RAB27B: variants seen among roughly 807,000 people sequenced by gnomAD.
The protein encoded by RAB27B is RAB27B, member RAS oncogene family.
Under a neutral mutation model 24.6 loss-of-function variants are expected in RAB27B, and 15 were observed. That is an observed-to-expected ratio of 0.61 (90% CI 0.41 to 0.94). The LOEUF is 0.94. Ranked by LOEUF, RAB27B falls within the 40% of genes least tolerant of loss-of-function variation. RAB27B has a pLI of 0.00. For synonymous variants in RAB27B, 105 were observed against 92.5 expected (o/e 1.14, Z -0.78); for missense variants, 261 against 266.8 (o/e 0.98, Z 0.15).
chr18:54,782,989 A>C (rs1908963074), intron 2 of RAB27B, among the ~76,000 whole-genome samples: 1 of 151,180 alleles, frequency 6.6e-6, no homozygotes, highest in East Asian at 1.9e-4. Flanking sequence ...ACAGAGTCTC[A>C]CTCTGTCACC....
At chr18:54,857,447 ACT>A (rs1345728004) in intron 1 of RAB27B, among the ~76,000 whole-genome samples, 1 of 152,132 alleles carries the variant, frequency 6.6e-6, no homozygotes, top group Non-Finnish European at 1.5e-5. Context: ...AGAGCATCTC[ACT>A]CTCCTACTTT....
upstream of RAB27B, among the ~76,000 whole-genome samples, chr18:54,827,477 A>G (rs1421733290): frequency 6.6e-6 from 1 of 152,154 alleles, no homozygotes; most frequent in Non-Finnish European, 1.5e-5. Flanking sequence ...TTTCTCTAAT[A>G]TTCCATTTTT....
At chr18:54,764,128 T>C (rs1281919076) in intron 2 of RAB27B, among the ~76,000 whole-genome samples, 1 of 152,208 alleles carries the variant, frequency 6.6e-6, no homozygotes, top group Non-Finnish European at 1.5e-5. Flanking sequence ...TATGGATACC[T>C]CTTTCTTCCT....
At chr18:54,868,278 C>G (rs1008555815) in intron 1 of RAB27B, among the ~76,000 whole-genome samples, 2 of 152,110 alleles carry the variant, frequency 1.3e-5, no homozygotes, top group African/African-American at 4.8e-5. Flanking sequence ...CACCTCCCCC[C>G]TCACTTTAGC....
chr18:54,844,412 T>C (rs1192847100), intron 1 of RAB27B, among the ~76,000 whole-genome samples: 1 of 25,544 alleles, frequency 3.9e-5, no homozygotes, highest in Non-Finnish European at 2.2e-4. Flanking sequence ...TCTTTTCTTT[T>C]TTTTTTTTTT....
chr18:54,762,370 A>G (rs954192797), intron 2 of RAB27B, among the ~76,000 whole-genome samples: 9 of 152,092 alleles, frequency 5.9e-5, no homozygotes, highest in African/African-American at 2.2e-4. Flanking sequence ...TTGAATTTTT[A>G]GTAGAGACGA....
At position 54,895,061 on chromosome 18, in the gene RAB27B, C is replaced by T. The variant is rs1051848014; in HGVS notation, c.*5648C>T. The T allele has an allele frequency of 6.6e-6, 1 of 151,782 alleles. No individual in the cohort carries two copies. Among genetic ancestry groups the T allele is most frequent in the East Asian group, 1.9e-4 (1 of 5,170 alleles). The allele number at this position is 151,782 out of a possible 1,614,324, so 9.4% of individuals were successfully genotyped here. A position where few individuals can be genotyped will look rare whatever the true frequency, so the allele number is the denominator to read the frequency against. The stretch of plus-strand genomic sequence containing the variant: ...ACAAATAGGGCTTCTGTGTCCATAG[C>T]CTTGTAAGAGATACTGATTGTATCT... On this transcript the variant is annotated 3_prime_UTR_variant, in exon 6 of 6. Transcript: ENST00000262094.
chr18:54,855,119 T>G (rs1346472047), intron 1 of RAB27B, among the ~76,000 whole-genome samples: 1 of 152,174 alleles, frequency 6.6e-6, no homozygotes, highest in Non-Finnish European at 1.5e-5. Flanking sequence ...AGGCATTAGA[T>G]TCTCATAAGA....
intron 2 of RAB27B, among the ~76,000 whole-genome samples, chr18:54,810,550 C>T (rs1009556057): frequency 6.6e-6 from 1 of 151,984 alleles, no homozygotes; most frequent in Non-Finnish European, 1.5e-5. Context: ...AAAAATCAGG[C>T]TGGGTGCCAA....
At chr18:54,730,196 C>G (rs1044638728) in intron 2 of RAB27B, among the ~76,000 whole-genome samples, 1 of 152,164 alleles carries the variant, frequency 6.6e-6, no homozygotes, top group Non-Finnish European at 1.5e-5. Context: ...TCACGTACAT[C>G]ACTGTTTCCA....
chr18:54,727,766 T>C (rs554773598), intron 2 of RAB27B, among the ~76,000 whole-genome samples: 76 of 152,354 alleles, frequency 5.0e-4, no homozygotes, highest in African/African-American at 1.7e-3. Context: ...AGCATACCTT[T>C]GGATAAAACT....
chr18:54,761,789 T>C (rs1908198084), intron 2 of RAB27B, among the ~76,000 whole-genome samples: 1 of 152,220 alleles, frequency 6.6e-6, no homozygotes, highest in African/African-American at 2.4e-5. Context: ...ATTGTTGATA[T>C]CTGAATGGCC....
At chr18:54,725,586 C>T (rs545127987) in intron 2 of RAB27B, among the ~76,000 whole-genome samples, 17 of 151,514 alleles carry the variant, frequency 1.1e-4, no homozygotes, top group African/African-American at 2.9e-4. Context: ...CCTCACAGTT[C>T]GGCATGGCAC....
chr18:54,796,811 G>A lies in RAB27B; in HGVS notation c.-20+78670G>A, dbSNP rs144746487. 1.1e-4 allele frequency among the ~76,000 whole-genome samples: 17 copies of A among 152,298 alleles called. 1 individual carries two copies. The highest frequency in any genetic ancestry group is 3.6e-4 in the African/African-American group (15 of 41,564). On this transcript the variant is annotated intron_variant, in intron 2 of 4. Coordinates refer to the RAB27B transcript ENST00000586570. ...CACTTAGGTCTGCAAACACAGGCCC[G>A]AGGGTGGACCCCTAGACTGGGACCC...
intron 3 of RAB27B, among the ~76,000 whole-genome samples, chr18:54,883,991 A>T (rs1008164360): frequency 2.0e-5 from 3 of 152,042 alleles, no homozygotes; most frequent in Non-Finnish European, 4.4e-5. Flanking sequence ...TAAAGTCCCC[A>T]CTCTAAAGTG....
intron 2 of RAB27B, chr18:54,744,721 C>T (rs1910180405): frequency 6.5e-6 from 1 of 152,930 alleles, no homozygotes; most frequent in Non-Finnish European, 1.5e-5. Context: ...CTGAATTCCT[C>T]TCAGAACTTA....
chr18:54,888,902 G>A (rs1045663434), intron 5 of RAB27B, among the ~76,000 whole-genome samples: 27 of 152,056 alleles, frequency 1.8e-4, no homozygotes, highest in Admixed American at 1.7e-3. Context: ...AGTAACATTG[G>A]TCAGTAGTTT....
rs1001923691 is a variant in RAB27B at position 54,890,637 on chromosome 18, A to T, written c.*1224A>T. The T allele has an allele frequency of 1.3e-5, 2 of 152,182 alleles. No individual in the cohort carries two copies. The highest frequency in any genetic ancestry group is 4.8e-5 in the African/African-American group (2 of 41,448). 9.4% of individuals were successfully genotyped at this position (152,182 alleles called of 1,614,324 possible). A position where few individuals can be genotyped will look rare whatever the true frequency, so the allele number is the denominator to read the frequency against. On this transcript the variant is annotated 3_prime_UTR_variant, in exon 6 of 6. Coordinates refer to ENST00000262094, the MANE Select transcript of RAB27B (RefSeq NM_004163.4). ...AATTCTATGGTCACTCTGAATTTTCATGTCATTAATCACATAAAAATTGAT... is the reference window on the plus strand; with the variant it reads ...AATTCTATGGTCACTCTGAATTTTCTTGTCATTAATCACATAAAAATTGAT...
intron 1 of RAB27B, among the ~76,000 whole-genome samples, chr18:54,863,432 T>A (rs117659101): frequency 1.2e-3 from 188 of 152,334 alleles, no homozygotes; most frequent in Non-Finnish European, 2.1e-3. Flanking sequence ...CAAACAAGCA[T>A]TGTGGAGGTA....
Sources: gnomAD v4.1 joint callset for allele counts (sites outside exome capture counted in the v4.1 genomes callset) on GRCh38, gnomAD v4.1.1 for gene constraint, MANE v1.5 for transcripts, NCBI Gene and HGNC (gene_info 2026-07-23, HGNC 2026-07-21) for gene names.